The following LDLRAD4 variants were observed in gnomAD, a reference collection of about 807,000 sequenced individuals.
LDLRAD4 encodes the protein low-density lipoprotein receptor class A domain-containing protein 4.
In LDLRAD4, 5 loss-of-function variants were observed where a neutral mutation model predicts 17.0. The observed-to-expected ratio is 0.29, with a 90% CI of 0.15 to 0.62. The LOEUF (loss-of-function observed/expected upper bound fraction) is 0.62. Among genes scored for constraint, LDLRAD4 ranks in the 20% least tolerant of loss-of-function variants. The pLI, the probability that LDLRAD4 is intolerant of heterozygous loss-of-function variation, is 0.84. For synonymous variants in LDLRAD4, 168 were observed against 171.8 expected (o/e 0.98, Z 0.17); for missense variants, 340 against 424.7 (o/e 0.80, Z 1.75).
chr18:13,513,060 C>T (rs770796360), intron 3 of LDLRAD4, among the ~76,000 whole-genome samples: 14 of 152,202 alleles, frequency 9.2e-5, no homozygotes, highest in Non-Finnish European at 1.8e-4. Context: ...GTCTAAACTG[C>T]CCAGAGGGCC....
At chr18:13,302,883 G>A (rs1298902797) in intron 1 of LDLRAD4, among the ~76,000 whole-genome samples, 1 of 152,188 alleles carries the variant, frequency 6.6e-6, no homozygotes, top group Admixed American at 6.5e-5. Flanking sequence ...TATGTTACAT[G>A]CAGTGCAGTT....
intron 1 of LDLRAD4, among the ~76,000 whole-genome samples, chr18:13,234,204 T>C (rs1381474314): frequency 6.6e-6 from 1 of 152,184 alleles, no homozygotes; most frequent in Non-Finnish European, 1.5e-5. Flanking sequence ...TTGTAATCCC[T>C]GATGGCATGC....
chr18:13,563,513 G>T (rs1478410132), intron 3 of LDLRAD4, among the ~76,000 whole-genome samples: 1 of 152,196 alleles, frequency 6.6e-6, no homozygotes, highest in East Asian at 1.9e-4. Context: ...CATTTGCGGA[G>T]GGTGAGTCTA....
At chr18:13,469,171 A>C (rs563956285) in intron 3 of LDLRAD4, among the ~76,000 whole-genome samples, 34 of 152,334 alleles carry the variant, frequency 2.2e-4, no homozygotes, top group Middle Eastern at 6.8e-3. Context: ...GAAAATCAAA[A>C]CCACAATGAG....
At chr18:13,618,379 T>C (rs2040282892) in intron 3 of LDLRAD4, among the ~76,000 whole-genome samples, 2 of 152,230 alleles carry the variant, frequency 1.3e-5, no homozygotes, top group South Asian at 4.1e-4. Context: ...TTTCCTTCTA[T>C]ATGATTTAAA....
chr18:13,363,287 G>A (rs371249363), intron 1 of LDLRAD4, among the ~76,000 whole-genome samples: 18 of 139,864 alleles, frequency 1.3e-4, no homozygotes, highest in African/African-American at 4.8e-4. Context: ...AGCCGAGATC[G>A]CGCCACTGCA....
intron 1 of LDLRAD4, among the ~76,000 whole-genome samples, chr18:13,299,208 C>T (rs2046445715): frequency 6.6e-6 from 1 of 152,210 alleles, no homozygotes; most frequent in Admixed American, 6.5e-5. Context: ...TGGCGAGACC[C>T]TCTTTCTGAA....
intron 1 of LDLRAD4, among the ~76,000 whole-genome samples, chr18:13,326,351 A>G (rs1207151501): frequency 6.6e-6 from 1 of 152,212 alleles, no homozygotes; most frequent in Non-Finnish European, 1.5e-5. Context: ...TGCATTTTAC[A>G]TAAGATAAGG....
intron 1 of LDLRAD4, among the ~76,000 whole-genome samples, chr18:13,309,044 A>C (rs2047076813): frequency 6.6e-6 from 1 of 152,154 alleles, no homozygotes; most frequent in Non-Finnish European, 1.5e-5. Flanking sequence ...TTCTTACTAC[A>C]TTTTTCCATT....
intron 1 of LDLRAD4, among the ~76,000 whole-genome samples, chr18:13,335,535 G>A (rs1471981043): frequency 2.0e-5 from 3 of 152,076 alleles, no homozygotes; most frequent in Admixed American, 6.6e-5. Flanking sequence ...ATTTAGATTT[G>A]GTTGACCACT....
intron 3 of LDLRAD4, among the ~76,000 whole-genome samples, chr18:13,459,538 AC>A (rs2146531644): frequency 6.6e-6 from 1 of 152,020 alleles, no homozygotes; most frequent in Admixed American, 6.5e-5. Context: ...GCCCGCAACC[AC>A]GCCCGGCTCA....
intron 3 of LDLRAD4, chr18:13,500,828 A>T (rs950080213): frequency 6.6e-6 from 1 of 152,232 alleles, no homozygotes; most frequent in Non-Finnish European, 1.5e-5. Context: ...TTGTGAGGCC[A>T]TAAAACACAT....
chr18:13,382,511 T>C (rs1434047939), intron 1 of LDLRAD4: 2 of 152,236 alleles, frequency 1.3e-5, no homozygotes, highest in Non-Finnish European at 2.9e-5. Flanking sequence ...TGCTCTGTTA[T>C]GGGAGGGACT....
intron 1 of LDLRAD4, among the ~76,000 whole-genome samples, chr18:13,310,183 CAA>C (rs5823247): frequency 0.058 from 8,018 of 139,134 alleles, 755 homozygotes; most frequent in African/African-American, 0.2. Context: ...CTGTCTCTAC[CAA>C]AAAAAAAAAA....
At chr18:13,327,339 G>A (rs1455535391) in intron 1 of LDLRAD4, among the ~76,000 whole-genome samples, 1 of 152,088 alleles carries the variant, frequency 6.6e-6, no homozygotes, top group African/African-American at 2.4e-5. Context: ...GTGGCCCCAA[G>A]GGACATGGGG....
intron 3 of LDLRAD4, among the ~76,000 whole-genome samples, chr18:13,556,462 C>G (rs950921346): frequency 7.9e-5 from 12 of 152,162 alleles, no homozygotes; most frequent in Non-Finnish European, 1.8e-4. Flanking sequence ...AAGGTGGGTG[C>G]ACAGGGAGAG....
At chr18:13,403,061 A>T (rs1198683219) in intron 2 of LDLRAD4, among the ~76,000 whole-genome samples, 1 of 152,262 alleles carries the variant, frequency 6.6e-6, no homozygotes, top group African/African-American at 2.4e-5. Flanking sequence ...GTCCTGGAGA[A>T]AGGCTTACGA....
At chr18:13,570,893 AC>A (rs959548951) in intron 3 of LDLRAD4, among the ~76,000 whole-genome samples, 12 of 152,046 alleles carry the variant, frequency 7.9e-5, no homozygotes, top group Non-Finnish European at 4.4e-5. Flanking sequence ...ATCACAGATC[AC>A]TGCAGCCTCA....
intron 1 of LDLRAD4, among the ~76,000 whole-genome samples, chr18:13,345,486 G>A (rs916892279): frequency 6.6e-6 from 1 of 152,170 alleles, no homozygotes; most frequent in African/African-American, 2.4e-5. Flanking sequence ...CGGTTTGCCA[G>A]TTTTTTATTG....
Sources: allele counts gnomAD v4.1 joint callset (sites outside exome capture counted in the v4.1 genomes callset), GRCh38; gene constraint gnomAD v4.1.1; transcripts MANE v1.5; gene names NCBI Gene and HGNC (gene_info 2026-07-23, HGNC 2026-07-21).